The following EPHA6 variants were observed in gnomAD, a reference collection of about 807,000 sequenced individuals.
The protein encoded by EPHA6 is ephrin type-A receptor 6.
In EPHA6, 50 loss-of-function variants were observed where a neutral mutation model predicts 112.0. That is an observed-to-expected ratio of 0.45 (90% CI 0.36 to 0.56). The LOEUF is 0.56. EPHA6 is among the 20% of genes least tolerant of loss of function. The pLI, the probability that EPHA6 is intolerant of heterozygous loss-of-function variation, is 0.00. For missense variants in EPHA6, 1,280 were observed against 1,417.4 expected, an observed-to-expected ratio of 0.90 and a Z score of 1.56; for synonymous variants, 529 against 490.7, an observed-to-expected ratio of 1.08 and a Z score of -1.03.
chr3:97,516,161 A>T (rs775295381), intron 10 of EPHA6, among the ~76,000 whole-genome samples: 20 of 152,248 alleles, frequency 1.3e-4, no homozygotes, highest in Non-Finnish European at 2.5e-4. Context: ...CTCAAGAAGT[A>T]GATAGGTGGT....
intron 3 of EPHA6, among the ~76,000 whole-genome samples, chr3:97,046,945 T>C (rs1158699052): frequency 6.6e-6 from 1 of 152,168 alleles, no homozygotes; most frequent in Admixed American, 6.5e-5. Context: ...TCTAAATGAC[T>C]AATTCAGTTT....
chr3:97,567,083 C>A (rs1366092126), intron 11 of EPHA6, among the ~76,000 whole-genome samples: 1 of 152,168 alleles, frequency 6.6e-6, no homozygotes, highest in Non-Finnish European at 1.5e-5. Flanking sequence ...ATTTTCGGTT[C>A]ATTCATGTTT....
intron 10 of EPHA6, among the ~76,000 whole-genome samples, chr3:97,522,740 C>A (rs2092563236): frequency 6.6e-6 from 1 of 151,952 alleles, no homozygotes; most frequent in Admixed American, 6.6e-5. Context: ...TTCAAATTTT[C>A]TTTTATTTTT....
chr3:96,994,244 G>A lies in EPHA6; in HGVS notation c.1114+6251G>A, dbSNP rs762199876. Reference sequence around the variant, plus strand: ...TGGGTTGCTTTATTATACATAGTAAGCAGTATTTTAGTCCTCTTTCAAATC... The same window carrying A: ...TGGGTTGCTTTATTATACATAGTAAACAGTATTTTAGTCCTCTTTCAAATC... On this transcript the variant is annotated intron_variant, in intron 3 of 17. Transcript: ENST00000389672. 1.4e-4 allele frequency: 55 copies of A among 386,426 alleles called. No individual in the cohort carries two copies. In the Middle Eastern group the frequency reaches 6.1e-3, roughly 43 times the overall value. 23.9% of individuals were successfully genotyped at this position (386,426 alleles called of 1,614,324 possible). A position where few individuals can be genotyped will look rare whatever the true frequency, so the allele number is the denominator to read the frequency against.
In EPHA6 at chr3:97,760,793, G is replaced by A. The variant is rs1435927697; in HGVS notation, c.*12092G>A. 5.4e-6 allele frequency: 1 copy of A among 184,182 alleles called. No homozygotes were observed. The highest frequency in any genetic ancestry group is 8.8e-5 in the East Asian group (1 of 11,312). The allele number at this position is 184,182 out of a possible 1,614,324, so 11.4% of individuals were successfully genotyped here. A position where few individuals can be genotyped will look rare whatever the true frequency, so the allele number is the denominator to read the frequency against. ...GAGCTATATTTGACTAATAAAAAAC[G>A]ACAGCTAAAAATAATTTCCCTCCCT... On this transcript the variant is annotated 3_prime_UTR_variant, in exon 18 of 18. Transcript: ENST00000389672.
At chr3:97,581,716 A>G (rs2107288829) in intron 11 of EPHA6, among the ~76,000 whole-genome samples, 1 of 152,340 alleles carries the variant, frequency 6.6e-6, no homozygotes, top group Middle Eastern at 3.4e-3. Context: ...GCAGCAAGCT[A>G]TGCACAGCAA....
intron 3 of EPHA6, among the ~76,000 whole-genome samples, chr3:97,225,856 A>G (rs1356388164): frequency 6.6e-6 from 1 of 152,252 alleles, no homozygotes. Context: ...AAGGGAAAAT[A>G]GAATGTAAAT....
chr3:97,227,371 C>A (rs950769384), intron 4 of EPHA6, among the ~76,000 whole-genome samples: 4 of 151,988 alleles, frequency 2.6e-5, no homozygotes, highest in Admixed American at 6.6e-5. Context: ...CAGGCATACA[C>A]CCCCACGCCC....
chr3:97,017,090 G>T (rs2044290637), intron 3 of EPHA6, among the ~76,000 whole-genome samples: 3 of 152,152 alleles, frequency 2.0e-5, no homozygotes, highest in African/African-American at 7.2e-5. Flanking sequence ...CTACCACAAG[G>T]ACACCAATTT....
intron 3 of EPHA6, among the ~76,000 whole-genome samples, chr3:97,179,031 T>C (rs2076912638): frequency 6.6e-6 from 1 of 152,132 alleles, no homozygotes; most frequent in Non-Finnish European, 1.5e-5. Context: ...TTCTAGATTC[T>C]GTAGATGGTC....
chr3:97,140,020 GGAA>G (rs2075860238), intron 3 of EPHA6, among the ~76,000 whole-genome samples: 1 of 151,982 alleles, frequency 6.6e-6, no homozygotes, highest in African/African-American at 2.4e-5. Context: ...GAGAGTGTCT[GGAA>G]ATGAAAAATT....
intron 11 of EPHA6, among the ~76,000 whole-genome samples, chr3:97,586,713 G>T (rs1424639642): frequency 6.9e-6 from 1 of 145,650 alleles, no homozygotes; most frequent in East Asian, 2.0e-4. Flanking sequence ...ATGATGGATG[G>T]ATGGATGGAT....
intron 3 of EPHA6, among the ~76,000 whole-genome samples, chr3:97,187,914 A>G (rs2077199670): frequency 6.6e-6 from 1 of 152,096 alleles, no homozygotes; most frequent in African/African-American, 2.4e-5. Flanking sequence ...CACTCTCCCA[A>G]AATATAAGAG....
At chr3:97,331,962 A>T (rs1443884809) in intron 5 of EPHA6, among the ~76,000 whole-genome samples, 1 of 152,122 alleles carries the variant, frequency 6.6e-6, no homozygotes, top group Non-Finnish European at 1.5e-5. Flanking sequence ...AAAAAAAGAG[A>T]ATTTTAGACC....
intron 17 of EPHA6, among the ~76,000 whole-genome samples, chr3:97,747,986 A>G (rs949540750): frequency 1.9e-4 from 29 of 152,082 alleles, no homozygotes; most frequent in African/African-American, 6.3e-4. Context: ...ATTTTCCACT[A>G]TTCTCAAAGA....
At chr3:97,599,678 T>C in intron 12 of EPHA6, among the ~76,000 whole-genome samples, 1 of 151,936 alleles carries the variant, frequency 6.6e-6, no homozygotes, top group African/African-American at 2.4e-5. Flanking sequence ...AGCCTTGTAG[T>C]ATAGTTTGAA....
chr3:97,281,595 G>A lies in EPHA6; in HGVS notation c.1606+37308G>A, dbSNP rs140396958. Among the ~76,000 whole-genome samples, 561 of 151,946 alleles carry A rather than the reference G, an allele frequency of 3.7e-3. 1 individual carries two copies. Among genetic ancestry groups the A allele is most frequent in the African/African-American group, 0.013 (523 of 41,418 alleles). On this transcript the variant is annotated intron_variant, in intron 5 of 17. Transcript: ENST00000389672. The stretch of plus-strand genomic sequence containing the variant: ...GAATACTCAAAAACAAGCCTGAAGG[G>A]ATTATAACACAATGAAAATCACACA...
At chr3:96,858,957 A>G (rs559752294) in intron 1 of EPHA6, among the ~76,000 whole-genome samples, 1 of 152,288 alleles carries the variant, frequency 6.6e-6, no homozygotes, top group Non-Finnish European at 1.5e-5. Context: ...AGAAGATCAT[A>G]TGTAAATAGG....
Position 97,588,587 on chromosome 3 carries a change from A to G in EPHA6, c.2387-4025A>G, listed in dbSNP as rs376608325. On this transcript the variant is annotated intron_variant, in intron 11 of 17. Coordinates refer to ENST00000389672, the MANE Select transcript of EPHA6 (RefSeq NM_001080448.3). ...AGGAGTTTGTATATGTATGTGGGGGAATCTGCATTAGGAAATTTTATCAAT... is the reference window on the plus strand; with the variant it reads ...AGGAGTTTGTATATGTATGTGGGGGGATCTGCATTAGGAAATTTTATCAAT... Among the ~76,000 whole-genome samples, 112 of 152,312 alleles carry G rather than the reference A, an allele frequency of 7.4e-4. 1 individual carries two copies. The highest frequency in any genetic ancestry group is 6.8e-3 in the Middle Eastern group (2 of 294).
Sources: gnomAD v4.1 joint callset for allele counts (sites outside exome capture counted in the v4.1 genomes callset) on GRCh38, gnomAD v4.1.1 for gene constraint, MANE v1.5 for transcripts, NCBI Gene and HGNC (gene_info 2026-07-23, HGNC 2026-07-21) for gene names.